Variants in CEP85L observed in about 807,000 individuals in gnomAD.
CEP85L encodes centrosomal protein of 85 kDa-like.
In CEP85L, 60 loss-of-function variants were observed where a neutral mutation model predicts 100.3. That is an observed-to-expected ratio of 0.60 (90% CI 0.49 to 0.74). The LOEUF (loss-of-function observed/expected upper bound fraction) is 0.74. Ranked by LOEUF, CEP85L falls within the 30% of genes least tolerant of loss-of-function variation. The pLI is 0.00. For missense variants in CEP85L, 973 were observed against 936.2 expected (o/e 1.04, Z -0.51); for synonymous variants, 319 against 322.7 (o/e 0.99, Z 0.12).
rs1772757796 is a variant in CEP85L, at chr6:118,469,227, A to G, written c.2099T>C (p.Val700Ala). Reference sequence around the variant, plus strand: ...ATCAAATAGTGGCCGTTTGGAAAGAACTGTCTGCTGCCTAGATTGGTCAGG... The same window carrying G: ...ATCAAATAGTGGCCGTTTGGAAAGAGCTGTCTGCTGCCTAGATTGGTCAGG... ...QEPDQSRQQTVLSKRPLFDLT... is the reference protein window; with the variant it reads ...QEPDQSRQQTALSKRPLFDLT... Residue 700 changes from valine (V) to alanine (A), a missense_variant, in exon 12 of 13, where the codon GTT becomes GCT. Val to Ala is a moderately conservative substitution (Grantham distance 64). Coordinates refer to ENST00000368491, the MANE Select transcript of CEP85L (RefSeq NM_001042475.3). The G allele has an allele frequency of 3.1e-6, 5 of 1,614,094 alleles. No individual in the cohort carries two copies. Among genetic ancestry groups the G allele is most frequent in the Non-Finnish European group, 4.2e-6 (5 of 1,179,958 alleles).
At chr6:118,470,689 A>T (rs771533692) in intron 10 of CEP85L, 45 bp from the exon 11 acceptor site, 2 of 1,100,392 alleles carry the variant, frequency 1.8e-6, no homozygotes, top group Admixed American at 2.2e-5. Flanking sequence ...GTTAACATGT[A>T]AAGAAAAATC....
Position 118,651,527 on chromosome 6 carries a change from C to A in CEP85L, c.-258G>T. On this transcript the variant is annotated 5_prime_UTR_variant, in exon 1 of 13. Transcript: ENST00000368491. ...GGAAGCGGCGACTCGGCGGTGACGG[C>A]TGCTAGATCCCCGGCTGAGCCCAGG... 1 of 1,271,154 alleles carries A rather than the reference C, an allele frequency of 7.9e-7. No individual in the cohort carries two copies. The highest frequency in any genetic ancestry group is 9.9e-7 in the Non-Finnish European group (1 of 1,009,150). The allele number at this position is 1,271,154 out of a possible 1,614,324, so 78.7% of individuals were successfully genotyped here. A position where few individuals can be genotyped will look rare whatever the true frequency, so the allele number is the denominator to read the frequency against.
intron 3 of CEP85L, among the ~76,000 whole-genome samples, chr6:118,532,584 A>G (rs905980041): frequency 7.9e-5 from 12 of 152,200 alleles, no homozygotes; most frequent in African/African-American, 2.9e-4. Context: ...CATAACAATA[A>G]ATCTAAAGAT....
intron 2 of CEP85L, among the ~76,000 whole-genome samples, chr6:118,573,071 A>C (rs1583079656): frequency 6.6e-6 from 1 of 152,168 alleles, no homozygotes; most frequent in Admixed American, 6.6e-5. Context: ...TCCAAAAAAA[A>C]TAATAATAAT....
chr6:118,540,359 A>C (rs1020302701), intron 3 of CEP85L, among the ~76,000 whole-genome samples: 27 of 152,188 alleles, frequency 1.8e-4, no homozygotes, highest in African/African-American at 6.5e-4. Flanking sequence ...TTTCTACAGA[A>C]GGTTACCATT....
intron 2 of CEP85L, among the ~76,000 whole-genome samples, chr6:118,600,300 G>GGGGTGTGTGTGTGT (rs1562297733): frequency 9.6e-5 from 5 of 52,236 alleles, no homozygotes; most frequent in East Asian, 5.9e-4. Context: ...CCTTCCTGGG[G>GGGGTGTGTGTGTGT]GTGTGTGTGT....
At position 118,542,917 on chromosome 6, in the gene CEP85L, A is replaced by AAAAAAAAAAAAAAC. The variant is rs758286537; in HGVS notation, c.1021-18998_1021-18997insGTTTTTTTTTTTTT. ...AGTTTTCCCAAAAAAAAAAAAAAAAAAAAAAACAGGATATTCACAGCAACC... is the reference window on the plus strand; with the variant it reads ...AGTTTTCCCAAAAAAAAAAAAAAAAAAAAAAAAAAAAAACAAAAAACAGGATATTCACAGCAACC... On this transcript the variant is annotated intron_variant, in intron 3 of 12. Transcript: ENST00000368491. Among the ~76,000 whole-genome samples the AAAAAAAAAAAAAAC allele has an allele frequency of 6.7e-4, 101 of 150,164 alleles. 2 individuals are homozygous for AAAAAAAAAAAAAAC. The highest frequency in any genetic ancestry group is 1.2e-3 in the Non-Finnish European group (82 of 67,226).
At chr6:118,643,325 T>C (rs887191115) in intron 1 of CEP85L, among the ~76,000 whole-genome samples, 2 of 152,234 alleles carry the variant, frequency 1.3e-5, no homozygotes, top group African/African-American at 4.8e-5. Context: ...CATATATATG[T>C]AATTTCTTAT....
intron 2 of CEP85L, among the ~76,000 whole-genome samples, chr6:118,588,134 A>C (rs2115106010): frequency 1.3e-5 from 2 of 152,318 alleles, no homozygotes; most frequent in South Asian, 4.1e-4. Context: ...CACTATTCTG[A>C]ATACATCGGA....
At chr6:118,617,893 C>T (rs951034437) in intron 2 of CEP85L, among the ~76,000 whole-genome samples, 4 of 152,148 alleles carry the variant, frequency 2.6e-5, no homozygotes, top group African/African-American at 9.7e-5. Context: ...TCTGTCCCAT[C>T]CTTCCTTAGA....
chr6:118,571,777 T>C (rs1779902316), intron 2 of CEP85L, among the ~76,000 whole-genome samples: 2 of 152,174 alleles, frequency 1.3e-5, no homozygotes, highest in Admixed American at 1.3e-4. Flanking sequence ...TTCATACTTA[T>C]CAGTCAACAT....
At chr6:118,646,047 T>C (rs920697416) in intron 1 of CEP85L, among the ~76,000 whole-genome samples, 5 of 152,088 alleles carry the variant, frequency 3.3e-5, no homozygotes, top group African/African-American at 1.2e-4. Flanking sequence ...TGAAATCCTG[T>C]CTCTACTAAA....
intron 1 of CEP85L, among the ~76,000 whole-genome samples, chr6:118,696,649 G>T (rs1231426265): frequency 6.6e-6 from 1 of 152,156 alleles, no homozygotes; most frequent in African/African-American, 2.4e-5. Flanking sequence ...GGATTATTTT[G>T]TCCACTGGTT....
intron 1 of CEP85L, among the ~76,000 whole-genome samples, chr6:118,702,727 C>T (rs1419386519): frequency 1.3e-5 from 2 of 151,548 alleles, no homozygotes; most frequent in Non-Finnish European, 2.9e-5. Context: ...CCAGGCACGG[C>T]GGCTCACGCC....
chr6:118,608,835 G>C (rs1052101821), intron 2 of CEP85L, among the ~76,000 whole-genome samples: 7 of 152,108 alleles, frequency 4.6e-5, no homozygotes, highest in African/African-American at 1.7e-4. Flanking sequence ...TTTATTCTCT[G>C]ATTTGTTTGG....
At chr6:118,658,151 A>T (rs1333005314) in intron 1 of CEP85L, among the ~76,000 whole-genome samples, 1 of 152,232 alleles carries the variant, frequency 6.6e-6, no homozygotes, top group African/African-American at 2.4e-5. Context: ...ACAAGTTATT[A>T]TAATAAACTC....
intron 1 of CEP85L, among the ~76,000 whole-genome samples, chr6:118,633,419 T>C (rs1441986977): frequency 6.6e-6 from 1 of 152,118 alleles, no homozygotes; most frequent in Non-Finnish European, 1.5e-5. Context: ...TTAACCAGGA[T>C]GGTCTCCATC....
chr6:118,547,639 A>C (rs906193906), intron 3 of CEP85L, among the ~76,000 whole-genome samples: 2 of 152,126 alleles, frequency 1.3e-5, no homozygotes, highest in African/African-American at 4.8e-5. Flanking sequence ...GTTTAAATAT[A>C]AGTATTACTA....
intron 6 of CEP85L, among the ~76,000 whole-genome samples, chr6:118,490,356 G>A (rs186520139): frequency 2.6e-5 from 4 of 152,298 alleles, no homozygotes; most frequent in Admixed American, 2.6e-4. Flanking sequence ...ACAACGAAAA[G>A]AGAAAATATA....
Sources: allele counts gnomAD v4.1 joint callset (sites outside exome capture counted in the v4.1 genomes callset), GRCh38; gene constraint gnomAD v4.1.1; transcripts MANE v1.5; gene names NCBI Gene and HGNC (gene_info 2026-07-23, HGNC 2026-07-21).